The following STXBP6 variants were observed in gnomAD, a reference collection of about 807,000 sequenced individuals.
STXBP6 encodes the protein syntaxin-binding protein 6.
A neutral mutation model predicts 26.9 loss-of-function variants in STXBP6; 21 were observed. The observed-to-expected ratio is 0.78, with a 90% confidence interval of 0.55 to 1.12. The LOEUF is 1.12. Ranked by LOEUF, STXBP6 falls within the 50% of genes most tolerant of loss-of-function variation. STXBP6 has a pLI of 0.00. For synonymous variants in STXBP6, 97 were observed against 92.6 expected (o/e 1.05, Z -0.27); for missense variants, 232 against 257.9 (o/e 0.90, Z 0.69).
At chr14:24,913,742 TGA>T (rs1353842421) in intron 2 of STXBP6, among the ~76,000 whole-genome samples, 3 of 152,326 alleles carry the variant, frequency 2.0e-5, no homozygotes, top group Non-Finnish European at 4.4e-5. Context: ...TTAAAAACAA[TGA>T]GAGATAAAAT....
intron 2 of STXBP6, among the ~76,000 whole-genome samples, chr14:24,927,889 G>A (rs1416583247): frequency 6.6e-6 from 1 of 151,980 alleles, no homozygotes; most frequent in Non-Finnish European, 1.5e-5. Flanking sequence ...TAGTTCTGGA[G>A]AGCATATAAT....
In STXBP6 at chr14:24,999,039, A is replaced by G. The variant is rs372097620; in HGVS notation, c.-32-24189T>C. On this transcript the variant is annotated intron_variant, in intron 1 of 5. Transcript: ENST00000323944. ...ATACATACATTTTTATAATTAATAT[A>G]CAGATGCTGAACTTACAATGAAGTT... Among the ~76,000 whole-genome samples, 6 of 152,334 alleles carry G rather than the reference A, an allele frequency of 3.9e-5. No homozygotes were observed. In the South Asian group the frequency reaches 1.0e-3, roughly 26 times the overall value.
chr14:24,915,760 GAATC>G (rs771528487), intron 2 of STXBP6, among the ~76,000 whole-genome samples: 7 of 152,126 alleles, frequency 4.6e-5, no homozygotes, highest in African/African-American at 1.4e-4. Flanking sequence ...ATGAATGAAT[GAATC>G]AATCAATCAA....
chr14:24,856,438 C>A (rs190269713), intron 3 of STXBP6, among the ~76,000 whole-genome samples: 1 of 152,218 alleles, frequency 6.6e-6, no homozygotes, highest in Non-Finnish European at 1.5e-5. Context: ...CTATATTAAT[C>A]TGGCCCCTAA....
intron 2 of STXBP6, among the ~76,000 whole-genome samples, chr14:24,901,671 C>T (rs917843130): frequency 6.6e-6 from 1 of 151,322 alleles, no homozygotes; most frequent in African/African-American, 2.4e-5. Flanking sequence ...AGAATACTGT[C>T]AGCAATTAAA....
At chr14:24,917,823 G>A (rs563308203) in intron 2 of STXBP6, among the ~76,000 whole-genome samples, 1 of 152,004 alleles carries the variant, frequency 6.6e-6, no homozygotes, top group African/African-American at 2.4e-5. Context: ...TATACATAAC[G>A]GGAGAAAATA....
intron 2 of STXBP6, among the ~76,000 whole-genome samples, chr14:24,933,202 T>G (rs1484915633): frequency 6.6e-6 from 1 of 152,110 alleles, no homozygotes; most frequent in Non-Finnish European, 1.5e-5. Flanking sequence ...ATTAGCTGGG[T>G]GCAGTGGTGA....
Position 24,840,840 on chromosome 14 carries a change from C to CA in STXBP6, c.451+15095_451+15096insT, listed in dbSNP as rs2068762294. On this transcript the variant is annotated intron_variant, in intron 4 of 5. Transcript: ENST00000323944. Reference sequence around the variant, plus strand: ...ACTAGAAGTCTAACAAATGTAACTGCTTTTTTTTTTTTCCTGTCAAATTAA... The same window carrying CA: ...ACTAGAAGTCTAACAAATGTAACTGCATTTTTTTTTTTTCCTGTCAAATTAA... Among the ~76,000 whole-genome samples the CA allele has an allele frequency of 2.0e-5, 3 of 146,534 alleles. No individual in the cohort carries two copies. In the South Asian group the frequency reaches 6.5e-4, roughly 32 times the overall value.
At chr14:24,884,210 C>T (rs1359025173) in intron 2 of STXBP6, among the ~76,000 whole-genome samples, 1 of 152,186 alleles carries the variant, frequency 6.6e-6, no homozygotes, top group Non-Finnish European at 1.5e-5. Context: ...GCAGACTAAT[C>T]TAATCCTTAA....
intron 2 of STXBP6, among the ~76,000 whole-genome samples, chr14:24,963,656 C>CT (rs1204190707): frequency 6.6e-6 from 1 of 152,134 alleles, no homozygotes; most frequent in East Asian, 1.9e-4. Context: ...CTGGGGAAAG[C>CT]TTTGACATAT....
intron 2 of STXBP6, among the ~76,000 whole-genome samples, chr14:24,972,469 A>G (rs2073932439): frequency 6.6e-6 from 1 of 152,202 alleles, no homozygotes; most frequent in Admixed American, 6.5e-5. Flanking sequence ...TCAATTATAC[A>G]TAGGTACTAG....
chr14:24,850,649 G>A (rs1033149703), intron 4 of STXBP6, among the ~76,000 whole-genome samples: 2 of 152,086 alleles, frequency 1.3e-5, no homozygotes, highest in Admixed American at 1.3e-4. Context: ...TACTGTCATG[G>A]CAATGTTTCA....
rs554392330 is a variant in STXBP6 at position 24,968,899 on chromosome 14, T to C, written c.154+5766A>G. 5.9e-4 allele frequency among the ~76,000 whole-genome samples: 90 copies of C among 152,278 alleles called. 5 individuals carry two copies. The South Asian group carries it at 0.018, about 31-fold the overall frequency. On this transcript the variant is annotated intron_variant, in intron 2 of 5. Coordinates refer to ENST00000323944, the MANE Select transcript of STXBP6 (RefSeq NM_001394410.1). The stretch of plus-strand genomic sequence containing the variant: ...GGAAAACAGTAAAACTTCTCAACCT[T>C]ATCTTCAGAAGTTCTTGCACAACAC...
chr14:24,944,518 C>G (rs1160986673), intron 2 of STXBP6, among the ~76,000 whole-genome samples: 1 of 152,160 alleles, frequency 6.6e-6, no homozygotes, highest in Non-Finnish European at 1.5e-5. Flanking sequence ...GAAAATGCGA[C>G]TGCCTCAAAC....
At chr14:24,995,340 C>T (rs929136313) in intron 1 of STXBP6, among the ~76,000 whole-genome samples, 1 of 152,168 alleles carries the variant, frequency 6.6e-6, no homozygotes, top group Non-Finnish European at 1.5e-5. Flanking sequence ...ATTCAGCATA[C>T]GAATTTTGGG....
intron 2 of STXBP6, among the ~76,000 whole-genome samples, chr14:24,892,352 T>C (rs1344710647): frequency 1.3e-5 from 2 of 152,262 alleles, no homozygotes; most frequent in Middle Eastern, 3.4e-3. Flanking sequence ...GAAGTATTTA[T>C]TTTTAGAATT....
intron 5 of STXBP6, chr14:24,817,864 C>T (rs2068024574): frequency 2.8e-6 from 1 of 355,186 alleles, no homozygotes; most frequent in African/African-American, 2.1e-5. Flanking sequence ...CAGTAAGACC[C>T]TGTCACGACA....
chr14:25,003,500 T>C (rs1013006872), intron 1 of STXBP6, among the ~76,000 whole-genome samples: 1 of 152,164 alleles, frequency 6.6e-6, no homozygotes, highest in African/African-American at 2.4e-5. Flanking sequence ...TCTGGAACCT[T>C]CAGTGAGTCA....
intron 1 of STXBP6, among the ~76,000 whole-genome samples, chr14:25,008,631 G>C (rs1416069434): frequency 2.0e-5 from 3 of 152,186 alleles, no homozygotes; most frequent in Non-Finnish European, 2.9e-5. Context: ...ATGGAGAACA[G>C]CGTCTATTGG....
Sources: gnomAD v4.1 joint callset for allele counts (sites outside exome capture counted in the v4.1 genomes callset) on GRCh38, gnomAD v4.1.1 for gene constraint, MANE v1.5 for transcripts, NCBI Gene and HGNC (gene_info 2026-07-23, HGNC 2026-07-21) for gene names.